The following TOM1L2 variants were observed in gnomAD, a reference collection of about 807,000 sequenced individuals.
TOM1L2 encodes TOM1-like protein 2.
In TOM1L2, 31 loss-of-function variants were observed where a neutral mutation model predicts 67.9. That is an observed-to-expected ratio of 0.46 (90% CI 0.34 to 0.62). TOM1L2 has a LOEUF of 0.62. Ranked by LOEUF, TOM1L2 falls within the 20% of genes least tolerant of loss-of-function variation. TOM1L2 has a pLI of 0.01. For synonymous variants in TOM1L2, 256 were observed against 254.0 expected, an observed-to-expected ratio of 1.01 and a Z score of -0.07; for missense variants, 606 against 663.5, an observed-to-expected ratio of 0.91 and a Z score of 0.95.
intron 5 of TOM1L2, among the ~76,000 whole-genome samples, chr17:17,884,008 C>T (rs934342871): frequency 1.3e-5 from 2 of 152,098 alleles, no homozygotes; most frequent in African/African-American, 2.4e-5. Context: ...GAGGCATGAC[C>T]TACATGCTTT....
chr17:17,866,954 G>C (rs2036882521), intron 8 of TOM1L2, 30 bp from the exon 9 acceptor site: 2 of 1,611,494 alleles, frequency 1.2e-6, no homozygotes, highest in Admixed American at 1.7e-5. Flanking sequence ...CAGAAGTAAG[G>C]AGAGAGGATG....
rs566747596 is a variant in TOM1L2, at chr17:17,904,945, C to T, written c.137+2502G>A. On this transcript the variant is annotated intron_variant, in intron 2 of 14. Coordinates refer to ENST00000379504, the MANE Select transcript of TOM1L2 (RefSeq NM_001082968.2). ...GCCCTTGCCAGTCCTGCCAGGTGAG[C>T]GTTCAAGGGCAGGCTGGAACATTCA... Among the ~76,000 whole-genome samples the T allele has an allele frequency of 1.1e-4, 16 of 152,294 alleles. No individual in the cohort carries two copies. The South Asian group carries it at 2.3e-3, about 22-fold the overall frequency.
chr17:17,866,565 C>T, intron 9 of TOM1L2, 146 bp from the exon 10 acceptor site: 1 of 1,090,906 alleles, frequency 9.2e-7, no homozygotes, highest in Non-Finnish European at 1.3e-6. Flanking sequence ...CCCCCACCTG[C>T]CTTCCAGGTC....
chr17:17,902,812 T>C (rs2038915378), intron 2 of TOM1L2, among the ~76,000 whole-genome samples: 1 of 152,252 alleles, frequency 6.6e-6, no homozygotes, highest in Non-Finnish European at 1.5e-5. Flanking sequence ...GATATGAAGA[T>C]ACAGTTATGT....
Position 17,847,706 on chromosome 17 carries a change from G to C in TOM1L2, c.1453C>G (p.Pro485Ala). The change falls in exon 15 of 15, where the codon CCT becomes GCT. Residue 485 changes from proline (P) to alanine (A), a missense_variant. Physicochemically the swap from Pro to Ala is conservative, Grantham distance 27. Coordinates refer to ENST00000379504, the MANE Select transcript of TOM1L2 (RefSeq NM_001082968.2). ...PDLPSPPMEA[P>A]APASNPSGRK... ...CCAGAAGGGTTTGAGGCTGGGGCAG[G>C]AGCCTCCATGGGGGGCGAGGGGAGG... 2 of 1,614,054 alleles carry C rather than the reference G, an allele frequency of 1.2e-6. No individual in the cohort carries two copies. The highest frequency in any genetic ancestry group is 1.1e-5 in the South Asian group (1 of 91,074).
intron 1 of TOM1L2, among the ~76,000 whole-genome samples, chr17:17,929,940 CAG>C (rs1304377542): frequency 6.6e-6 from 1 of 152,178 alleles, no homozygotes; most frequent in Non-Finnish European, 1.5e-5. Context: ...TGAGGTACTA[CAG>C]AGAGTGAGTG....
At chr17:17,930,893 A>C (rs1050295301) in intron 1 of TOM1L2, among the ~76,000 whole-genome samples, 1 of 152,252 alleles carries the variant, frequency 6.6e-6, no homozygotes, top group Non-Finnish European at 1.5e-5. Flanking sequence ...TAAAGGCAGA[A>C]TAAAAGGCAT....
chr17:17,858,331 TCTCA>T (rs2036363300), intron 12 of TOM1L2: 1 of 155,062 alleles, frequency 6.4e-6, no homozygotes, highest in Admixed American at 6.4e-5. Context: ...TGAGATGAGG[TCTCA>T]CTGTGTTGCC....
At chr17:17,869,697 A>G (rs895560046) in intron 7 of TOM1L2, 11 of 1,360,052 alleles carry the variant, frequency 8.1e-6, no homozygotes, top group South Asian at 1.9e-5. Flanking sequence ...ATGTCCAGAC[A>G]TACTGTTGTA....
intron 1 of TOM1L2, among the ~76,000 whole-genome samples, chr17:17,936,235 GAC>G (rs2040510671): frequency 6.6e-6 from 1 of 152,068 alleles, no homozygotes; most frequent in African/African-American, 2.4e-5. Flanking sequence ...GGATATCTAG[GAC>G]AGTCTCTCCC....
intron 1 of TOM1L2, among the ~76,000 whole-genome samples, chr17:17,957,724 C>T (rs2041516983): frequency 6.6e-6 from 1 of 151,732 alleles, no homozygotes; most frequent in African/African-American, 2.4e-5. Context: ...TATATACTTA[C>T]ATATCACAGG....
At chr17:17,848,464 C>G (rs1854178522) in intron 14 of TOM1L2, among the ~76,000 whole-genome samples, 1 of 152,242 alleles carries the variant, frequency 6.6e-6, no homozygotes. Context: ...AGGCTCCTCC[C>G]TTCTGGCTCA....
chr17:17,852,317 T>C (rs1046340101), intron 12 of TOM1L2, among the ~76,000 whole-genome samples: 3 of 152,092 alleles, frequency 2.0e-5, no homozygotes, highest in Non-Finnish European at 4.4e-5. Context: ...CTGCTGCTGA[T>C]GGTGGGGGAG....
chr17:17,903,953 C>CA (rs2038974493), intron 2 of TOM1L2, among the ~76,000 whole-genome samples: 1 of 152,038 alleles, frequency 6.6e-6, no homozygotes, highest in African/African-American at 2.4e-5. Flanking sequence ...GCCCTACTGT[C>CA]AGTCCAACTT....
chr17:17,955,345 T>TTG (rs2041390103), intron 1 of TOM1L2, among the ~76,000 whole-genome samples: 1 of 146,336 alleles, frequency 6.8e-6, no homozygotes, highest in Non-Finnish European at 1.5e-5. Flanking sequence ...TTTTTTTTTT[T>TTG]TTTTTGTTTT....
At chr17:17,909,595 T>TG (rs1250686290) in intron 1 of TOM1L2, among the ~76,000 whole-genome samples, 3 of 73,420 alleles carry the variant, frequency 4.1e-5, no homozygotes, top group African/African-American at 1.1e-4. Context: ...TGCTGGGGGG[T>TG]GTGGGGGTGG....
chr17:17,876,980 C>T (rs1013220543), intron 7 of TOM1L2, among the ~76,000 whole-genome samples: 7 of 152,240 alleles, frequency 4.6e-5, no homozygotes, highest in Non-Finnish European at 1.0e-4. Context: ...GAGGATTTGA[C>T]GCATAGCTCA....
chr17:17,971,184 T>C (rs2042061862), intron 1 of TOM1L2, among the ~76,000 whole-genome samples: 1 of 151,990 alleles, frequency 6.6e-6, no homozygotes, highest in African/African-American at 2.4e-5. Flanking sequence ...TAATATGAGG[T>C]GGGGGAGGAA....
chr17:17,955,154 G>A (rs1178385914), intron 1 of TOM1L2, among the ~76,000 whole-genome samples: 1 of 152,104 alleles, frequency 6.6e-6, no homozygotes, highest in African/African-American at 2.4e-5. Flanking sequence ...TGAGAAGACT[G>A]TGACACCAAC....
Sources: allele counts gnomAD v4.1 joint callset (sites outside exome capture counted in the v4.1 genomes callset), GRCh38; gene constraint gnomAD v4.1.1; transcripts MANE v1.5; gene names NCBI Gene and HGNC (gene_info 2026-07-23, HGNC 2026-07-21).